ATG10: variants seen among roughly 807,000 people sequenced by gnomAD.
ATG10 encodes the protein ubiquitin-like-conjugating enzyme ATG10.
A neutral mutation model predicts 32.1 loss-of-function variants in ATG10; 30 were observed. The ratio of observed to expected loss-of-function variants is 0.94; its 90% confidence interval spans 0.70 to 1.27. ATG10 has a LOEUF of 1.27. Among genes scored for constraint, ATG10 ranks in the 50% most tolerant of loss-of-function variants. The pLI is 0.00. For synonymous variants in ATG10, 87 were observed against 91.5 expected (o/e 0.95, Z 0.28); for missense variants, 233 against 262.3 (o/e 0.89, Z 0.77).
intron 2 of ATG10, among the ~76,000 whole-genome samples, chr5:82,034,218 C>A (rs1762841139): frequency 6.6e-6 from 1 of 151,984 alleles, no homozygotes; most frequent in South Asian, 2.1e-4. Flanking sequence ...TACTACCCAG[C>A]CCCCAACCTG....
intron 3 of ATG10, among the ~76,000 whole-genome samples, chr5:82,089,677 A>G (rs1295754984): frequency 1.3e-5 from 2 of 152,172 alleles, no homozygotes; most frequent in Non-Finnish European, 2.9e-5. Flanking sequence ...GAACCTTGGG[A>G]TCTAGGATTA....
At chr5:82,080,622 C>T (rs1315668731) in intron 3 of ATG10, among the ~76,000 whole-genome samples, 2 of 152,298 alleles carry the variant, frequency 1.3e-5, no homozygotes, top group African/African-American at 2.4e-5. Context: ...AATAGGAAAT[C>T]CTTTCCCCAT....
At chr5:82,170,187 T>C (rs1248164514) in intron 4 of ATG10, among the ~76,000 whole-genome samples, 1 of 152,096 alleles carries the variant, frequency 6.6e-6, no homozygotes, top group Non-Finnish European at 1.5e-5. Context: ...TGTAAGCGAC[T>C]GTATTTTAGC....
chr5:82,132,024 A>G (rs1018454304), intron 3 of ATG10, among the ~76,000 whole-genome samples: 2 of 152,086 alleles, frequency 1.3e-5, no homozygotes, highest in African/African-American at 2.4e-5. Context: ...TTCACACACT[A>G]TTGTGAGGAG....
chr5:82,073,939 T>C (rs1273804073), intron 3 of ATG10, among the ~76,000 whole-genome samples: 1 of 152,176 alleles, frequency 6.6e-6, no homozygotes, highest in Non-Finnish European at 1.5e-5. Context: ...GTCCTGCAAA[T>C]GGTAAGTGAC....
At chr5:82,106,184 A>T (rs1225272832) in intron 3 of ATG10, among the ~76,000 whole-genome samples, 1 of 152,204 alleles carries the variant, frequency 6.6e-6, no homozygotes, top group Non-Finnish European at 1.5e-5. Flanking sequence ...ACATAACTGC[A>T]TTTAACTAAG....
intron 3 of ATG10, among the ~76,000 whole-genome samples, chr5:82,114,541 G>T (rs943991510): frequency 1.3e-5 from 2 of 151,966 alleles, no homozygotes; most frequent in Non-Finnish European, 2.9e-5. Context: ...AGGCTTTAAG[G>T]GTAGCTTGGG....
chr5:81,998,797 A>G lies in ATG10; in HGVS notation c.108+11119A>G, dbSNP rs192544965. Among the ~76,000 whole-genome samples, 309 of 152,340 alleles carry G rather than the reference A, an allele frequency of 2.0e-3. 1 individual carries two copies. The highest frequency in any genetic ancestry group is 7.0e-3 in the African/African-American group (289 of 41,580). On this transcript the variant is annotated intron_variant, in intron 2 of 7. Coordinates refer to ENST00000282185, the MANE Select transcript of ATG10 (RefSeq NM_031482.5). ...AAGATAAAAAATGACAAAGAAGGATATTACATAATGGTAAAGGGCACAGTT... is the reference window on the plus strand; with the variant it reads ...AAGATAAAAAATGACAAAGAAGGATGTTACATAATGGTAAAGGGCACAGTT...
At position 82,162,657 on chromosome 5, in the gene ATG10, T is replaced by C. The variant is rs377402982; in HGVS notation, c.217-1742T>C. ...AATCAACCTAAAATATCTGGCAATA[T>C]GGAAATGTTAAAAAAAAACACAACA... On this transcript the variant is annotated intron_variant, in intron 3 of 7. Coordinates refer to ENST00000282185, the MANE Select transcript of ATG10 (RefSeq NM_031482.5). Among the ~76,000 whole-genome samples, 20 of 152,002 alleles carry C rather than the reference T, an allele frequency of 1.3e-4. No individual in the cohort carries two copies. The South Asian group carries it at 4.1e-3, about 32-fold the overall frequency.
chr5:82,006,106 TC>T (rs1192772012), intron 2 of ATG10, among the ~76,000 whole-genome samples: 5 of 152,330 alleles, frequency 3.3e-5, no homozygotes, highest in Non-Finnish European at 5.9e-5. Flanking sequence ...TATGATTTCT[TC>T]TTTTCAGTAG....
In ATG10 at chr5:82,032,920, C is replaced by T. The variant is rs139096634; in HGVS notation, c.109-25575C>T. On this transcript the variant is annotated intron_variant, in intron 2 of 7. Coordinates refer to ENST00000282185, the MANE Select transcript of ATG10 (RefSeq NM_031482.5). ...GTTTAGAAACTTGTCCAAAGTGGCA[C>T]GCGAAATTTATATGCCAGGAAATCT... is the stretch of plus-strand genomic sequence containing the variant. Among the ~76,000 whole-genome samples the T allele has an allele frequency of 5.2e-3, 796 of 152,160 alleles. 5 individuals are homozygous for T. The highest frequency in any genetic ancestry group is 0.015 in the African/African-American group (642 of 41,532).
At chr5:82,010,491 C>T (rs1232766571) in intron 2 of ATG10, among the ~76,000 whole-genome samples, 1 of 152,066 alleles carries the variant, frequency 6.6e-6, no homozygotes, top group Admixed American at 6.6e-5. Context: ...TTGAAATTCA[C>T]GGTTTGAATG....
chr5:82,139,718 G>T (rs1158708623), intron 3 of ATG10, among the ~76,000 whole-genome samples: 124 of 142,704 alleles, frequency 8.7e-4, no homozygotes, highest in Middle Eastern at 3.8e-3. Flanking sequence ...GGTGGGGGGG[G>T]GTCAGCCCCC....
intron 3 of ATG10, among the ~76,000 whole-genome samples, chr5:82,086,382 A>G (rs536871889): frequency 3.3e-5 from 5 of 152,344 alleles, no homozygotes; most frequent in East Asian, 1.9e-4. Context: ...CATGAAAACA[A>G]TAACAATAGC....
intron 4 of ATG10, among the ~76,000 whole-genome samples, chr5:82,173,204 C>T (rs1382969556): frequency 6.6e-6 from 1 of 152,144 alleles, no homozygotes; most frequent in Non-Finnish European, 1.5e-5. Flanking sequence ...ATAAAGGTGA[C>T]TCCAGCGTGC....
At chr5:82,023,434 G>A (rs1282486838) in intron 2 of ATG10, among the ~76,000 whole-genome samples, 1 of 152,168 alleles carries the variant, frequency 6.6e-6, no homozygotes, top group Non-Finnish European at 1.5e-5. Context: ...ATTGCAAAAT[G>A]TCATTGAAAA....
At chr5:82,190,597 C>G (rs1238333724) in intron 5 of ATG10, among the ~76,000 whole-genome samples, 1 of 151,190 alleles carries the variant, frequency 6.6e-6, no homozygotes, top group Non-Finnish European at 1.5e-5. Context: ...ATGGTGAAAC[C>G]CTGTCTCTAC....
chr5:81,993,360 C>CTTCTTTTCTT (rs1420358116), intron 2 of ATG10, among the ~76,000 whole-genome samples: 2 of 46,770 alleles, frequency 4.3e-5, no homozygotes, highest in Non-Finnish European at 4.0e-5. Context: ...TCTTTCTTTC[C>CTTCTTTTCTT]TTCTTTTCTT....
intron 5 of ATG10, among the ~76,000 whole-genome samples, chr5:82,229,840 A>C (rs1044539112): frequency 3.9e-5 from 6 of 152,152 alleles, no homozygotes; most frequent in African/African-American, 1.4e-4. Flanking sequence ...GCAGGGAGGT[A>C]GGGGGGTCCT....
Sources: gnomAD v4.1 joint callset for allele counts (sites outside exome capture counted in the v4.1 genomes callset) on GRCh38, gnomAD v4.1.1 for gene constraint, MANE v1.5 for transcripts, NCBI Gene and HGNC (gene_info 2026-07-23, HGNC 2026-07-21) for gene names.